Variants in PROX1 observed in about 807,000 individuals in gnomAD.
The protein encoded by PROX1 is prospero homeobox protein 1.
Under a neutral mutation model 58.8 loss-of-function variants are expected in PROX1, and 7 were observed. The observed-to-expected ratio is 0.12, with a 90% confidence interval of 0.07 to 0.22. The LOEUF (loss-of-function observed/expected upper bound fraction) is 0.22. Among genes scored for constraint, PROX1 ranks in the 10% least tolerant of loss-of-function variants. The pLI is 1.00. For synonymous variants in PROX1, 350 were observed against 358.3 expected, an observed-to-expected ratio of 0.98 and a Z score of 0.26; for missense variants, 675 against 927.8, an observed-to-expected ratio of 0.73 and a Z score of 3.54.
intron 4 of PROX1, among the ~76,000 whole-genome samples, chr1:214,025,326 T>A (rs1664415219): frequency 6.6e-6 from 1 of 152,140 alleles, no homozygotes; most frequent in Non-Finnish European, 1.5e-5. Flanking sequence ...AGACCCAGGA[T>A]CAGTGCAGAA....
chr1:214,013,240 C>G (rs1157835576), intron 4 of PROX1, among the ~76,000 whole-genome samples: 2 of 151,990 alleles, frequency 1.3e-5, no homozygotes, highest in African/African-American at 4.8e-5. Context: ...TTTAAAGTCT[C>G]AGTTGTAATA....
intron 4 of PROX1, among the ~76,000 whole-genome samples, chr1:214,018,964 T>G (rs927377396): frequency 1.2e-4 from 18 of 152,206 alleles, no homozygotes; most frequent in Non-Finnish European, 1.9e-4. Flanking sequence ...GGGACACTAG[T>G]GTAGCCAAGT....
intron 4 of PROX1, among the ~76,000 whole-genome samples, chr1:214,013,153 G>A (rs1489862197): frequency 6.6e-6 from 1 of 152,040 alleles, no homozygotes; most frequent in African/African-American, 2.4e-5. Context: ...GTGTGTGTGT[G>A]TGTGTGTGTG....
rs1055504777 is a variant in PROX1 at position 214,040,020 on chromosome 1, T to G, written c.*4186T>G. ...ATAGCGTATTCATTGGTGTGAATAG[T>G]ACAAATGTTTCCTTCTGGTACAAAC... On this transcript the variant is annotated 3_prime_UTR_variant, in exon 5 of 5. Transcript: ENST00000366958. 2.6e-5 allele frequency: 4 copies of G among 152,244 alleles called. No individual in the cohort carries two copies. The highest frequency in any genetic ancestry group is 9.6e-5 in the African/African-American group (4 of 41,464). The allele number at this position is 152,244 out of a possible 1,614,324, so 9.4% of individuals were successfully genotyped here. A position where few individuals can be genotyped will look rare whatever the true frequency, so the allele number is the denominator to read the frequency against.
chr1:214,013,900 T>A (rs953436485), intron 4 of PROX1, among the ~76,000 whole-genome samples: 1 of 152,202 alleles, frequency 6.6e-6, no homozygotes, highest in Non-Finnish European at 1.5e-5. Context: ...ATCTGATTCC[T>A]CCTTCAGTGA....
At chr1:214,033,477 A>ACTCAGG (rs1664730611) in intron 4 of PROX1, among the ~76,000 whole-genome samples, 7 of 152,148 alleles carry the variant, frequency 4.6e-5, no homozygotes, top group Admixed American at 1.3e-4. Flanking sequence ...ACTTGCCTGT[A>ACTCAGG]ATCTCAGCTA....
chr1:213,993,404 G>C (rs1394068344), intron 1 of PROX1, among the ~76,000 whole-genome samples: 1 of 152,088 alleles, frequency 6.6e-6, no homozygotes, highest in Non-Finnish European at 1.5e-5. Context: ...TACATATCTT[G>C]AGAAATAAAG....
chr1:213,992,613 G>A (rs562166092), intron 1 of PROX1, among the ~76,000 whole-genome samples: 2 of 152,266 alleles, frequency 1.3e-5, no homozygotes, highest in South Asian at 2.1e-4. Flanking sequence ...GAAGTCAAGT[G>A]TAGGCTTGCA....
At position 213,996,856 on chromosome 1, in the gene PROX1, G is replaced by T. The variant is rs372904856; in HGVS notation, c.321G>T (p.Thr107=). 6.2e-7 allele frequency: 1 copy of T among 1,614,026 alleles called. No individual in the cohort carries two copies. Among genetic ancestry groups the T allele is most frequent in the East Asian group, 2.2e-5 (1 of 44,858 alleles). The change falls in exon 2 of 5, where the codon ACG becomes ACT. Residue 107 remains threonine (T), a synonymous_variant. Coordinates refer to ENST00000366958, the MANE Select transcript of PROX1 (RefSeq NM_001270616.2). ...ATAACATGAACAAAAATGGTGGCAC[G>T]GAGCCCAGTTTCCAAGCCAGCGGTC... The part of the protein sequence containing the change: ...LKNNMNKNGG[T]EPSFQASGLS...
chr1:214,004,569 G>T (rs1663639135), intron 2 of PROX1, among the ~76,000 whole-genome samples: 1 of 152,140 alleles, frequency 6.6e-6, no homozygotes, highest in African/African-American at 2.4e-5. Flanking sequence ...CCAAGTTTTA[G>T]CTATTATTTA....
At chr1:214,023,280 T>C (rs1175512133) in intron 4 of PROX1, among the ~76,000 whole-genome samples, 1 of 152,150 alleles carries the variant, frequency 6.6e-6, no homozygotes, top group Non-Finnish European at 1.5e-5. Flanking sequence ...GCATTTATAA[T>C]ATGCATTAAC....
At chr1:214,012,448 C>T (rs1372947902) in intron 4 of PROX1, among the ~76,000 whole-genome samples, 1 of 152,184 alleles carries the variant, frequency 6.6e-6, no homozygotes, top group Non-Finnish European at 1.5e-5. Context: ...AATATCCATG[C>T]AACAATGAAA....
intron 4 of PROX1, chr1:214,030,680 G>C (rs1456001624): frequency 1.3e-5 from 2 of 152,216 alleles, no homozygotes; most frequent in Non-Finnish European, 2.9e-5. Context: ...GAAAATAGGA[G>C]AGGCTGTCTT....
intron 4 of PROX1, among the ~76,000 whole-genome samples, chr1:214,016,852 G>A (rs1383711351): frequency 2.0e-5 from 3 of 151,950 alleles, no homozygotes; most frequent in Non-Finnish European, 4.4e-5. Context: ...TAATGAAGCG[G>A]GCCCATTGAT....
intron 1 of PROX1, among the ~76,000 whole-genome samples, chr1:213,991,741 C>T (rs1305855713): frequency 1.3e-5 from 2 of 152,146 alleles, no homozygotes; most frequent in African/African-American, 4.8e-5. Context: ...CAGACTTCCT[C>T]TTTATTTGTT....
intron 1 of PROX1, among the ~76,000 whole-genome samples, chr1:213,993,573 A>C (rs913300840): frequency 1.1e-4 from 16 of 152,178 alleles, no homozygotes; most frequent in Non-Finnish European, 1.9e-4. Context: ...ATTCATATAG[A>C]TATCTTGTTT....
At chr1:213,993,830 TACA>T (rs985342930) in intron 1 of PROX1, among the ~76,000 whole-genome samples, 33 of 152,372 alleles carry the variant, frequency 2.2e-4, no homozygotes, top group Non-Finnish European at 2.9e-5. Flanking sequence ...CTGGACATTT[TACA>T]ACAAGACCTA....
At chr1:214,028,104 G>T (rs973992665) in intron 4 of PROX1, among the ~76,000 whole-genome samples, 4 of 152,106 alleles carry the variant, frequency 2.6e-5, no homozygotes, top group African/African-American at 9.7e-5. Flanking sequence ...GCCACCTGGA[G>T]CATCAGAGGG....
chr1:214,027,407 G>A (rs1664497318), intron 4 of PROX1, among the ~76,000 whole-genome samples: 1 of 152,092 alleles, frequency 6.6e-6, no homozygotes, highest in Non-Finnish European at 1.5e-5. Flanking sequence ...TTAAAGTCAA[G>A]CATCAACCGA....
Sources: allele counts gnomAD v4.1 joint callset (sites outside exome capture counted in the v4.1 genomes callset), GRCh38; gene constraint gnomAD v4.1.1; transcripts MANE v1.5; gene names NCBI Gene and HGNC (gene_info 2026-07-23, HGNC 2026-07-21).